The following RCC1L variants were observed in gnomAD, a reference collection of about 807,000 sequenced individuals.
RCC1L encodes RCC1-like G exchanging factor-like protein.
RCC1L carries 46 observed loss-of-function variants against 58.6 expected under a neutral mutation model. That is an observed-to-expected ratio of 0.79 (90% CI 0.62 to 1.00). The LOEUF (loss-of-function observed/expected upper bound fraction) is 1.00. Ranked by LOEUF, RCC1L falls within the 50% of genes least tolerant of loss-of-function variation. RCC1L has a pLI of 0.00. For missense variants in RCC1L, 636 were observed against 623.6 expected, an observed-to-expected ratio of 1.02 and a Z score of -0.21; for synonymous variants, 281 against 262.9, an observed-to-expected ratio of 1.07 and a Z score of -0.67.
At chr7:75,036,912 T>C (rs1386935882) in intron 10 of RCC1L, among the ~76,000 whole-genome samples, 4 of 151,896 alleles carry the variant, frequency 2.6e-5, no homozygotes, top group African/African-American at 9.7e-5. Context: ...CAAAAATATA[T>C]ATATGTAATT....
At position 75,042,580 on chromosome 7, in the gene RCC1L, C is replaced by A. The variant is rs1049075758; in HGVS notation, c.*452G>T. 1 of 1,003,132 alleles carries A rather than the reference C, an allele frequency of 1.0e-6. No homozygotes were observed. The highest frequency in any genetic ancestry group is 1.2e-6 in the Non-Finnish European group (1 of 839,908). 62.1% of individuals were successfully genotyped at this position (1,003,132 alleles called of 1,614,324 possible). The stretch of plus-strand genomic sequence containing the variant: ...AATGAAAACCGAGGGCCGAAGCCAG[C>A]CTGACTCCCTCGCCTAAGCTGGGGC... On this transcript the variant is annotated 3_prime_UTR_variant, in exon 11 of 11. Coordinates refer to ENST00000610322, the MANE Select transcript of RCC1L (RefSeq NM_030798.5).
chr7:75,058,667 G>T lies in RCC1L; in HGVS notation c.890C>A (p.Ala297Asp). 6.2e-7 allele frequency: 1 copy of T among 1,613,948 alleles called. No individual in the cohort carries two copies. The highest frequency in any genetic ancestry group is 1.7e-5 in the Admixed American group (1 of 60,000). The change falls in exon 7 of 11, where the codon GCC becomes GAC. Residue 297 changes from alanine to aspartate, a missense_variant. Ala to Asp is a moderately radical substitution (Grantham distance 126, BLOSUM62 -2). Transcript: ENST00000610322. Reference sequence around the variant, plus strand: ...AAAAAGTCCTCCGTCGGCGGACACGGCCAGGCAGCAATCACCGTAGGTGGC... The same window carrying T: ...AAAAAGTCCTCCGTCGGCGGACACGTCCAGGCAGCAATCACCGTAGGTGGC... Reference protein sequence around the residue: ...QVATYGDCCLAVSADGGLFGW... With the variant: ...QVATYGDCCLDVSADGGLFGW...
chr7:75,068,819 A>G (rs1382786726), intron 2 of RCC1L, among the ~76,000 whole-genome samples: 1 of 152,196 alleles, frequency 6.6e-6, no homozygotes, highest in African/African-American at 2.4e-5. Flanking sequence ...AGGTTTGTCC[A>G]GTATGTACTT....
At position 75,063,443 on chromosome 7, in the gene RCC1L, G is replaced by A. The variant is rs895789145; in HGVS notation, c.651-100C>T. 5.0e-5 allele frequency: 60 copies of A among 1,205,146 alleles called. No individual in the cohort carries two copies. The Middle Eastern group carries it at 1.1e-3, about 23-fold the overall frequency. The allele number at this position is 1,205,146 out of a possible 1,614,324, so 74.7% of individuals were successfully genotyped here. On this transcript the variant is annotated intron_variant, in intron 4 of 10. Coordinates refer to ENST00000610322, the MANE Select transcript of RCC1L (RefSeq NM_030798.5). ...CCCCAACTGATGGCCCGTCCCCTCC[G>A]CTCACACAGTAACTGTTGGGGTAAC...
At chr7:75,048,948 G>T (rs1805827596) in intron 10 of RCC1L, among the ~76,000 whole-genome samples, 3 of 152,112 alleles carry the variant, frequency 2.0e-5, no homozygotes, top group Non-Finnish European at 4.4e-5. Context: ...CCTCTCTGAG[G>T]GATGAGTCTC....
At chr7:75,040,685 C>A (rs904008092), downstream of RCC1L, among the ~76,000 whole-genome samples, 1 of 152,120 alleles carries the variant, frequency 6.6e-6, no homozygotes, top group African/African-American at 2.4e-5. Flanking sequence ...GGTCGGATTA[C>A]CCTGCTTCAC....
chr7:75,056,177 T>C, intron 8 of RCC1L, 103 bp from the exon 9 acceptor site: 1 of 1,348,326 alleles, frequency 7.4e-7, no homozygotes, highest in Non-Finnish European at 1.0e-6. Flanking sequence ...TCCACACGGT[T>C]TTTTTTTGTT....
intron 10 of RCC1L, among the ~76,000 whole-genome samples, chr7:75,049,524 C>T (rs1280078996): frequency 6.6e-6 from 1 of 151,770 alleles, no homozygotes; most frequent in South Asian, 2.1e-4. Context: ...GGGTGTGGTG[C>T]TGGCACATGC....
At chr7:75,071,017 G>T (rs932733451) in intron 1 of RCC1L, among the ~76,000 whole-genome samples, 1 of 151,972 alleles carries the variant, frequency 6.6e-6, no homozygotes, top group South Asian at 2.1e-4. Context: ...CACCACGTCT[G>T]GCTAACTTCT....
At chr7:75,061,071 G>A in intron 6 of RCC1L, 136 bp downstream of exon 6, 3 of 799,382 alleles carry the variant, frequency 3.8e-6, no homozygotes, top group Non-Finnish European at 6.7e-6. Context: ...CAAGAATAGT[G>A]TTCCTCAGAA....
At chr7:75,070,530 C>T (rs1806684662) in intron 2 of RCC1L, 110 bp downstream of exon 2, 1 of 1,447,392 alleles carries the variant, frequency 6.9e-7, no homozygotes. Context: ...AGGATCTCGC[C>T]ACTGCACTCT....
In RCC1L at chr7:75,073,569, G is replaced by C. The variant is rs1563082366; in HGVS notation, c.169C>G (p.Arg57Gly). The change falls in exon 1 of 11, where the codon CGC becomes GGC. Residue 57 changes from arginine to glycine, a missense_variant. Transcript: ENST00000610322. ...CCCCACACGAAGACGCGATCGGCGC[G>C]GGCAGCGCGCTCGCCCACGTACTGG... Reference protein sequence around the residue: ...VVQYVGERAARADRVFVWGFS... With the variant: ...VVQYVGERAAGADRVFVWGFS... 1 of 1,508,610 alleles carries C rather than the reference G, an allele frequency of 6.6e-7. No individual in the cohort carries two copies. Among genetic ancestry groups the C allele is most frequent in the Non-Finnish European group, 8.8e-7 (1 of 1,137,496 alleles). 93.5% of individuals were successfully genotyped at this position (1,508,610 alleles called of 1,614,324 possible).
At chr7:75,057,700 T>C in intron 7 of RCC1L, 84 bp from the exon 8 acceptor site, 1 of 1,218,974 alleles carries the variant, frequency 8.2e-7, no homozygotes, top group Non-Finnish European at 1.2e-6. Context: ...ACAGAGTAGC[T>C]GAGTCCTAGT....
In RCC1L at chr7:75,052,743, C is replaced by A. The variant is rs1175414942; in HGVS notation, c.1285G>T (p.Gly429Cys). ...GGGAAATACTGGTCCTCCAGGCGAC[C>A]GATTCCCAGGCACCCTCGGATGTTC... Reference protein sequence around the residue: ...GKNIRGCLGIGRLEDQYFPWR... With the variant: ...GKNIRGCLGICRLEDQYFPWR... Residue 429 changes from glycine to cysteine, a missense_variant, in exon 10 of 11, where the codon GGT (glycine) becomes TGT (cysteine). Gly to Cys is a radical substitution (Grantham distance 159). Coordinates refer to ENST00000610322, the MANE Select transcript of RCC1L (RefSeq NM_030798.5). 1 of 1,613,184 alleles carries A rather than the reference C, an allele frequency of 6.2e-7. No individual in the cohort carries two copies.
intron 9 of RCC1L, among the ~76,000 whole-genome samples, chr7:75,053,947 G>A (rs1301811987): frequency 6.6e-6 from 1 of 152,144 alleles, no homozygotes; most frequent in Non-Finnish European, 1.5e-5. Context: ...CTGCTGCCCA[G>A]GCTGCGACGC....
intron 10 of RCC1L, among the ~76,000 whole-genome samples, chr7:75,034,823 T>A (rs1805399203): frequency 1.3e-5 from 2 of 152,042 alleles, no homozygotes; most frequent in Non-Finnish European, 2.9e-5. Flanking sequence ...TGGCTAATTT[T>A]TTTATTTTTT....
At chr7:75,068,030 G>A (rs1554445466) in intron 2 of RCC1L, among the ~76,000 whole-genome samples, 1 of 151,856 alleles carries the variant, frequency 6.6e-6, no homozygotes, top group African/African-American at 2.4e-5. Context: ...TATAAAAAAT[G>A]TAACGCGGGC....
rs1303612685 is a variant in RCC1L, at chr7:75,042,550, G to A, written c.*482C>T. 1.8e-5 allele frequency: 18 copies of A among 999,088 alleles called. No individual in the cohort carries two copies. Among genetic ancestry groups the A allele is most frequent in the Non-Finnish European group, 2.0e-5 (17 of 837,452 alleles). The allele number at this position is 999,088 out of a possible 1,614,324, so 61.9% of individuals were successfully genotyped here. On this transcript the variant is annotated 3_prime_UTR_variant, in exon 11 of 11. Transcript: ENST00000610322. ...GCCAGGAAGGGCCATGAGCAGGGTG[G>A]CCTGAATGAAAACCGAGGGCCGAAG...
intron 10 of RCC1L, among the ~76,000 whole-genome samples, chr7:75,047,401 G>A (rs1554442913): frequency 6.6e-6 from 1 of 152,204 alleles, no homozygotes; most frequent in African/African-American, 2.4e-5. Context: ...CAGGGAGCTG[G>A]GATTACAGGC....
Sources: allele counts gnomAD v4.1 joint callset (sites outside exome capture counted in the v4.1 genomes callset), GRCh38; gene constraint gnomAD v4.1.1; transcripts MANE v1.5; gene names NCBI Gene and HGNC (gene_info 2026-07-23, HGNC 2026-07-21).